The following STK10 variants were observed in gnomAD, a reference collection of about 807,000 sequenced individuals.
The protein encoded by STK10 is serine/threonine kinase 10.
Under a neutral mutation model 113.8 loss-of-function variants are expected in STK10, and 78 were observed. That is an observed-to-expected ratio of 0.69 (90% CI 0.57 to 0.83). The LOEUF is 0.83. Ranked by LOEUF, STK10 falls within the 40% of genes least tolerant of loss-of-function variation. STK10 has a pLI of 0.00. For synonymous variants in STK10, 465 were observed against 494.7 expected (o/e 0.94, Z 0.80); for missense variants, 1,109 against 1,280.1 (o/e 0.87, Z 2.04).
intron 2 of STK10, among the ~76,000 whole-genome samples, chr5:172,144,492 T>C (rs1434356759): frequency 6.6e-6 from 1 of 152,142 alleles, no homozygotes; most frequent in African/African-American, 2.4e-5. Context: ...AACACAGAAA[T>C]GTCCTTAGCA....
At chr5:172,167,980 A>G (rs1770600725) in intron 1 of STK10, among the ~76,000 whole-genome samples, 1 of 152,200 alleles carries the variant, frequency 6.6e-6, no homozygotes, top group African/African-American at 2.4e-5. Flanking sequence ...ACCCCACCCA[A>G]TGATCATTTG....
At chr5:172,156,578 C>G (rs774152486) in intron 2 of STK10, 46 bp downstream of exon 2, 1 of 1,583,046 alleles carries the variant, frequency 6.3e-7, no homozygotes, top group Non-Finnish European at 8.6e-7. Flanking sequence ...CTCCAGAGCA[C>G]CAGGCCATGG....
In STK10 at chr5:172,071,124, G is replaced by A. The variant is rs533164717; in HGVS notation, c.1990-6312C>T. Reference sequence around the variant, plus strand: ...ACTCAGGAGGCTGAGCAGGAGAATCGCTTGAACCTGGGAGGCAGAGGTTGC... The same window carrying A: ...ACTCAGGAGGCTGAGCAGGAGAATCACTTGAACCTGGGAGGCAGAGGTTGC... On this transcript the variant is annotated intron_variant, in intron 12 of 18. Coordinates refer to ENST00000176763, the MANE Select transcript of STK10 (RefSeq NM_005990.4). 1.0e-4 allele frequency among the ~76,000 whole-genome samples: 15 copies of A among 145,262 alleles called. No homozygotes were observed. In the South Asian group the frequency reaches 1.7e-3, roughly 17 times the overall value.
At chr5:172,161,956 G>A (rs1239570988) in intron 1 of STK10, among the ~76,000 whole-genome samples, 2 of 152,196 alleles carry the variant, frequency 1.3e-5, no homozygotes, top group African/African-American at 2.4e-5. Context: ...ATTTCATGAT[G>A]GGCCATTTTC....
At chr5:172,118,515 T>C (rs959986618) in intron 3 of STK10, among the ~76,000 whole-genome samples, 8 of 151,810 alleles carry the variant, frequency 5.3e-5, no homozygotes, top group African/African-American at 1.7e-4. Flanking sequence ...AGGAAGAGAA[T>C]AGGTGGGGCG....
intron 1 of STK10, among the ~76,000 whole-genome samples, chr5:172,184,453 G>A (rs1473873995): frequency 6.6e-6 from 1 of 152,018 alleles, no homozygotes; most frequent in Non-Finnish European, 1.5e-5. Flanking sequence ...TGGGCACCGG[G>A]ACATATGGGG....
intron 1 of STK10, among the ~76,000 whole-genome samples, chr5:172,178,809 A>C (rs1770803247): frequency 1.3e-5 from 2 of 152,164 alleles, no homozygotes; most frequent in Non-Finnish European, 1.5e-5. Flanking sequence ...GCTCGTCTGC[A>C]CAAGACAGTG....
intron 2 of STK10, among the ~76,000 whole-genome samples, chr5:172,136,107 T>TG (rs1374205220): frequency 2.0e-5 from 3 of 148,764 alleles, no homozygotes; most frequent in Non-Finnish European, 4.5e-5. Flanking sequence ...CAATCAGAAA[T>TG]GAAAAAGGGG....
At chr5:172,115,597 G>T (rs771045662) in intron 4 of STK10, among the ~76,000 whole-genome samples, 3 of 152,122 alleles carry the variant, frequency 2.0e-5, no homozygotes, top group South Asian at 2.1e-4. Flanking sequence ...TTAGGAAGTG[G>T]GTTTTTATCA....
intron 2 of STK10, among the ~76,000 whole-genome samples, chr5:172,129,082 G>A (rs1304505747): frequency 2.0e-5 from 3 of 152,226 alleles, no homozygotes; most frequent in African/African-American, 7.2e-5. Flanking sequence ...TCCGTCCTCT[G>A]AGACTGTGTC....
At chr5:172,048,606 CTGATACCATCCTA>C (rs901956198) in intron 18 of STK10, among the ~76,000 whole-genome samples, 1 of 151,602 alleles carries the variant, frequency 6.6e-6, no homozygotes, top group African/African-American at 2.4e-5. Context: ...CCCCCAACCT[CTGATACCATCCTA>C]GTTCAAGATA....
At chr5:172,072,400 G>A (rs1179439310) in intron 12 of STK10, among the ~76,000 whole-genome samples, 1 of 152,156 alleles carries the variant, frequency 6.6e-6, no homozygotes, top group South Asian at 2.1e-4. Context: ...CCGAGTAGCT[G>A]GGACTACAGG....
At chr5:172,142,042 T>G (rs1769983904) in intron 2 of STK10, among the ~76,000 whole-genome samples, 1 of 152,186 alleles carries the variant, frequency 6.6e-6, no homozygotes, top group Non-Finnish European at 1.5e-5. Flanking sequence ...AAAAAACAGT[T>G]TCCATCTCCT....
intron 3 of STK10, among the ~76,000 whole-genome samples, chr5:172,124,049 C>G (rs906352519): frequency 6.6e-6 from 1 of 152,176 alleles, no homozygotes; most frequent in African/African-American, 2.4e-5. Flanking sequence ...GCCTCAGCCT[C>G]CCAAGTAGCT....
At chr5:172,045,057 G>C (rs1767469473) in intron 18 of STK10, 35 bp from the exon 19 acceptor site, 1 of 1,610,122 alleles carries the variant, frequency 6.2e-7, no homozygotes, top group Admixed American at 1.7e-5. Flanking sequence ...CACTTGGTGA[G>C]ATCTGCAGGC....
intron 3 of STK10, among the ~76,000 whole-genome samples, chr5:172,121,190 G>A (rs111547401): frequency 0.061 from 9,225 of 151,710 alleles, 397 homozygotes; most frequent in Non-Finnish European, 0.094. Flanking sequence ...CACGACGCCC[G>A]GCTAATTTTT....
intron 1 of STK10, among the ~76,000 whole-genome samples, chr5:172,173,403 G>A (rs753570777): frequency 2.0e-5 from 3 of 152,226 alleles, no homozygotes; most frequent in Admixed American, 6.5e-5. Flanking sequence ...AGGGCCAAGC[G>A]TTGGGCCTGG....
At chr5:172,056,938 AGAAAGAAAGAAAGAAG>A (rs1327626828) in intron 15 of STK10, 1 of 67,452 alleles carries the variant, frequency 1.5e-5, no homozygotes, top group African/African-American at 8.4e-5. Context: ...AGGAAAGAAA[AGAAAGAAAGAAAGAAG>A]GAAAGAAAGA....
chr5:172,094,575 G>C (rs1327246056), intron 8 of STK10, among the ~76,000 whole-genome samples: 3 of 152,000 alleles, frequency 2.0e-5, no homozygotes, highest in Non-Finnish European at 2.9e-5. Flanking sequence ...GTAGGGACAG[G>C]GTTTCAGTAT....
Sources: allele counts gnomAD v4.1 joint callset (sites outside exome capture counted in the v4.1 genomes callset), GRCh38; gene constraint gnomAD v4.1.1; transcripts MANE v1.5; gene names NCBI Gene and HGNC (gene_info 2026-07-23, HGNC 2026-07-21).